Variants in INPP4A observed in about 807,000 individuals in gnomAD.
INPP4A encodes inositol polyphosphate-4-phosphatase, type I, 107kD.
INPP4A carries 33 observed loss-of-function variants against 119.8 expected under a neutral mutation model. The ratio of observed to expected loss-of-function variants is 0.28; its 90% confidence interval spans 0.21 to 0.37. The LOEUF is 0.37. Ranked by LOEUF, INPP4A falls within the 10% of genes least tolerant of loss-of-function variation. INPP4A has a pLI of 1.00. For synonymous variants in INPP4A, 496 were observed against 500.7 expected (o/e 0.99, Z 0.12); for missense variants, 956 against 1,289.9 (o/e 0.74, Z 3.97).
intron 13 of INPP4A, among the ~76,000 whole-genome samples, chr2:98,550,931 TG>T (rs1693396599): frequency 6.6e-6 from 1 of 151,936 alleles, no homozygotes. Context: ...CTCTAAATAT[TG>T]GGGGCCTGGG....
chr2:98,556,086 G>T, intron 16 of INPP4A: 1 of 406,142 alleles, frequency 2.5e-6, no homozygotes. Flanking sequence ...ATAAGGGTTG[G>T]GCTCCTGGGC....
rs140127459 is a variant in INPP4A at position 98,590,935 on chromosome 2, T to G, written c.*3327T>G. ...TTGATTACTGTGAACACTGAACATC[T>G]TTTATACCTTTATGATATTTCTATG... On this transcript the variant is annotated 3_prime_UTR_variant, in exon 25 of 25. Transcript: ENST00000409851. 5.2e-3 allele frequency: 1,200 copies of G among 231,540 alleles called. 6 individuals carry two copies. Among genetic ancestry groups the G allele is most frequent in the Non-Finnish European group, 7.3e-3 (859 of 116,988 alleles). The allele number at this position is 231,540 out of a possible 1,614,324, so 14.3% of individuals were successfully genotyped here.
Position 98,555,604 on chromosome 2 carries a change from G to A in INPP4A, c.1618G>A (p.Val540Met). The change falls in exon 16 of 25, where the codon GTG (valine) becomes ATG (methionine). Residue 540 changes from valine (V) to methionine (M), a missense_variant. Val to Met is a conservative substitution (Grantham distance 21). Coordinates refer to ENST00000409851, the MANE Select transcript of INPP4A (RefSeq NM_001134225.2). ...DKSLECIIQR[V>M]DKLLQKERLH... ...GAGCCTAGAGTGCATCATTCAGCGT[G>A]TGGACAAGCTGCTGCAGAAGGAGCG... is the stretch of plus-strand genomic sequence containing the variant. 1 of 1,613,928 alleles carries A rather than the reference G, an allele frequency of 6.2e-7. No individual in the cohort carries two copies. The highest frequency in any genetic ancestry group is 1.1e-5 in the South Asian group (1 of 91,076).
At chr2:98,451,272 C>T (rs1277738473) in intron 1 of INPP4A, among the ~76,000 whole-genome samples, 1 of 152,148 alleles carries the variant, frequency 6.6e-6, no homozygotes, top group African/African-American at 2.4e-5. Flanking sequence ...AGACTGCTGG[C>T]CTTTTAATAT....
chr2:98,560,843 C>T (rs1695350925), intron 17 of INPP4A, among the ~76,000 whole-genome samples: 1 of 152,220 alleles, frequency 6.6e-6, no homozygotes, highest in Non-Finnish European at 1.5e-5. Flanking sequence ...CTTCTCAGTT[C>T]TGGGCTCCTG....
intron 1 of INPP4A, among the ~76,000 whole-genome samples, chr2:98,495,648 T>C (rs188056812): frequency 1.4e-3 from 213 of 152,360 alleles, no homozygotes; most frequent in African/African-American, 5.1e-3. Flanking sequence ...ATAGGTGGAT[T>C]CAGAGATTTT....
chr2:98,561,524 CAGGACAA>C (rs1182357609), intron 17 of INPP4A, among the ~76,000 whole-genome samples: 1 of 152,204 alleles, frequency 6.6e-6, no homozygotes, highest in Non-Finnish European at 1.5e-5. Context: ...TCCTCTTTTC[CAGGACAA>C]ACATCTTAGT....
In INPP4A at chr2:98,546,789, C is replaced by G; in HGVS notation, c.1163+95C>G. On this transcript the variant is annotated intron_variant, in intron 13 of 24. Coordinates refer to ENST00000409851, the MANE Select transcript of INPP4A (RefSeq NM_001134225.2). The surrounding 1 kb of genome is among the most constrained non-coding windows in gnomAD (Gnocchi z 4.2). Reference sequence around the variant, plus strand: ...AATCAAAATATGACCGCAAAAACACCCAGCCATCTGATCTGCTTTTGCGTG... The same window carrying G: ...AATCAAAATATGACCGCAAAAACACGCAGCCATCTGATCTGCTTTTGCGTG... 1 of 796,710 alleles carries G rather than the reference C, an allele frequency of 1.3e-6. No homozygotes were observed. The highest frequency in any genetic ancestry group is 2.1e-5 in the Admixed American group (1 of 47,740). The allele number at this position is 796,710 out of a possible 1,614,324, so 49.4% of individuals were successfully genotyped here.
chr2:98,537,822 C>T lies in INPP4A; in HGVS notation c.468-41C>T, dbSNP rs372774765. The T allele has an allele frequency of 3.5e-6, 5 of 1,429,536 alleles. No individual in the cohort carries two copies. The African/African-American group carries it at 4.2e-5, about 12-fold the overall frequency. 88.6% of individuals were successfully genotyped at this position (1,429,536 alleles called of 1,614,324 possible). ...TTTGTATTTCAGCAGAAAAGAAGCA[C>T]AGTTGCAGCACCACTCATTAAAGCA... is the stretch of plus-strand genomic sequence containing the variant. On this transcript the variant is annotated intron_variant, in intron 7 of 24. Transcript: ENST00000409851.
chr2:98,457,978 A>ATT (rs766066774), intron 1 of INPP4A, among the ~76,000 whole-genome samples: 33 of 137,162 alleles, frequency 2.4e-4, no homozygotes, highest in East Asian at 6.3e-4. Context: ...TTAAACAAAA[A>ATT]TTTTTTTTTT....
chr2:98,531,692 T>G (rs1417467706), intron 4 of INPP4A, among the ~76,000 whole-genome samples: 1 of 152,152 alleles, frequency 6.6e-6, no homozygotes, highest in Admixed American at 6.5e-5. Context: ...CACAATATAT[T>G]TAAAGGGCTT....
intron 5 of INPP4A, among the ~76,000 whole-genome samples, chr2:98,534,599 G>A (rs1398556188): frequency 3.3e-5 from 5 of 152,198 alleles, no homozygotes; most frequent in Non-Finnish European, 7.3e-5. Context: ...GTGACCACAG[G>A]GAAGGATCAT....
chr2:98,586,389 T>TA (rs1247409917), intron 24 of INPP4A, among the ~76,000 whole-genome samples: 2 of 152,178 alleles, frequency 1.3e-5, no homozygotes, highest in East Asian at 1.9e-4. Flanking sequence ...TTGAATTTTT[T>TA]AAAAAATCAC....
intron 4 of INPP4A, among the ~76,000 whole-genome samples, chr2:98,531,499 T>A (rs1173634114): frequency 1.3e-5 from 2 of 152,182 alleles, no homozygotes; most frequent in Non-Finnish European, 2.9e-5. Flanking sequence ...TGAGCATTTC[T>A]CCCAAAGTAA....
intron 4 of INPP4A, among the ~76,000 whole-genome samples, chr2:98,531,520 C>T (rs1032803968): frequency 1.2e-4 from 19 of 152,052 alleles, no homozygotes; most frequent in African/African-American, 4.1e-4. Flanking sequence ...TACAACAATT[C>T]GCAGAACAAA....
Position 98,553,470 on chromosome 2 carries a change from G to A in INPP4A, c.1347+501G>A, listed in dbSNP as rs138515956. ...TATGTAAGTATTAATCCCTACTGAG[G>A]AAGTGGCTATTATCAGACCCTTTTG... On this transcript the variant is annotated intron_variant, in intron 14 of 24. Coordinates refer to ENST00000409851, the MANE Select transcript of INPP4A (RefSeq NM_001134225.2). Among the ~76,000 whole-genome samples the A allele has an allele frequency of 3.7e-4, 56 of 152,172 alleles. 1 individual carries two copies. The highest frequency in any genetic ancestry group is 1.3e-3 in the African/African-American group (54 of 41,484).
intron 24 of INPP4A, among the ~76,000 whole-genome samples, chr2:98,577,763 A>G (rs1350490189): frequency 1.3e-5 from 2 of 152,204 alleles, no homozygotes; most frequent in African/African-American, 2.4e-5. Context: ...ACCCGGAACT[A>G]AAAGTGTCTA....
intron 4 of INPP4A, among the ~76,000 whole-genome samples, chr2:98,523,376 T>C (rs750161133): frequency 2.6e-5 from 4 of 151,370 alleles, no homozygotes; most frequent in Admixed American, 6.6e-5. Context: ...GTTTTTTTTG[T>C]TTTGTTTTTG....
At position 98,539,493 on chromosome 2, in the gene INPP4A, A is replaced by G. The variant is rs757443979; in HGVS notation, c.671-35A>G. On this transcript the variant is annotated intron_variant, in intron 9 of 24. Transcript: ENST00000409851. ...CATGAGGCAGGTCTGCAGCCAGTTC[A>G]TTTGCAGCCTGTCTCCCTTGTCATC... The G allele has an allele frequency of 1.4e-5, 22 of 1,589,042 alleles. No homozygotes were observed. In the East Asian group the frequency reaches 4.8e-4, roughly 35 times the overall value.
Sources: allele counts gnomAD v4.1 joint callset (sites outside exome capture counted in the v4.1 genomes callset), GRCh38; gene constraint gnomAD v4.1.1; non-coding constraint Gnocchi (gnomAD v3.1); transcripts MANE v1.5; gene names NCBI Gene and HGNC (gene_info 2026-07-23, HGNC 2026-07-21).